LINGO2: variants seen among roughly 807,000 people sequenced by gnomAD.
The protein encoded by LINGO2 is leucine-rich repeat and immunoglobulin-like domain-containing nogo receptor-interacting protein 2.
A neutral mutation model predicts 30.6 loss-of-function variants in LINGO2; 14 were observed. The ratio of observed to expected loss-of-function variants is 0.46; its 90% CI spans 0.30 to 0.72. The LOEUF (loss-of-function observed/expected upper bound fraction) is 0.72, where lower values mean the gene tolerates loss of function less well. Ranked by LOEUF, LINGO2 falls within the 30% of genes least tolerant of loss-of-function variation. LINGO2 has a pLI of 0.07. For synonymous variants in LINGO2, 317 were observed against 288.5 expected (o/e 1.10, Z -1.00); for missense variants, 729 against 751.7 (o/e 0.97, Z 0.35).
intron 1 of LINGO2, among the ~76,000 whole-genome samples, chr9:28,570,273 C>T (rs1053663139): frequency 3.3e-5 from 5 of 151,864 alleles, no homozygotes; most frequent in Admixed American, 6.6e-5. Flanking sequence ...ATTTCTACCA[C>T]GTCACGGCTA....
At chr9:28,175,851 C>T (rs532529878) in intron 4 of LINGO2, among the ~76,000 whole-genome samples, 1 of 152,272 alleles carries the variant, frequency 6.6e-6, no homozygotes, top group South Asian at 2.1e-4. Flanking sequence ...GTATGAGCTC[C>T]AATAACTCAA....
intron 1 of LINGO2, among the ~76,000 whole-genome samples, chr9:28,660,934 C>T (rs948773979): frequency 6.6e-6 from 1 of 152,086 alleles, no homozygotes; most frequent in African/African-American, 2.4e-5. Flanking sequence ...ATGAATACAG[C>T]ACTGCAAAAA....
the LINGO2 span, among the ~76,000 whole-genome samples, chr9:29,095,572 T>C: frequency 1.4e-5 from 2 of 138,896 alleles, no homozygotes; most frequent in Non-Finnish European, 3.1e-5. Flanking sequence ...AACCATTTCA[T>C]AGGGGCAGGC....
rs2133536664 is a variant in LINGO2 at position 28,148,372 on chromosome 9, G to A, written c.-86-135967C>T. On this transcript the variant is annotated intron_variant, in intron 4 of 5. Transcript: ENST00000379992. The surrounding 1 kb of genome is among the most constrained non-coding windows in gnomAD (Gnocchi z 5.1). ...TGAGGATTCCTCATCTCAGAGGCAA[G>A]TTTAACCTTCAACTTCCTTCATTAG... 8.8e-7 allele frequency: 1 copy of A among 1,134,628 alleles called. No homozygotes were observed. The highest frequency in any genetic ancestry group is 1.3e-6 in the Non-Finnish European group (1 of 781,000). The allele number at this position is 1,134,628 out of a possible 1,614,324, so 70.3% of individuals were successfully genotyped here.
intron 1 of LINGO2, among the ~76,000 whole-genome samples, chr9:28,627,738 C>T (rs553083821): frequency 6.6e-6 from 1 of 151,716 alleles, no homozygotes; most frequent in South Asian, 2.1e-4. Context: ...TCTCTTTTTT[C>T]AAAATTGTCT....
chr9:28,825,295 A>C, the LINGO2 span, among the ~76,000 whole-genome samples: 26 of 152,182 alleles, frequency 1.7e-4, no homozygotes, highest in African/African-American at 6.3e-4. Context: ...AGGAAGAAGA[A>C]AAGTCAGAAC....
chr9:28,290,786 C>T (rs1391017992), intron 4 of LINGO2, among the ~76,000 whole-genome samples: 2 of 151,986 alleles, frequency 1.3e-5, no homozygotes, highest in South Asian at 4.2e-4. Flanking sequence ...AACATCATTT[C>T]CTGAGGAAGG....
chr9:28,263,255 G>T (rs537861401), intron 4 of LINGO2, among the ~76,000 whole-genome samples: 1 of 152,016 alleles, frequency 6.6e-6, no homozygotes, highest in Admixed American at 6.6e-5. Flanking sequence ...TCTTTGAAAT[G>T]GTTCATTTGG....
At chr9:28,274,448 C>T (rs545429754) in intron 4 of LINGO2, among the ~76,000 whole-genome samples, 1 of 152,264 alleles carries the variant, frequency 6.6e-6, no homozygotes, top group African/African-American at 2.4e-5. Context: ...TCATAAATAA[C>T]TTGGAAATTC....
At chr9:28,707,465 T>G in the LINGO2 span, among the ~76,000 whole-genome samples, 1 of 152,094 alleles carries the variant, frequency 6.6e-6, no homozygotes, top group African/African-American at 2.4e-5. Flanking sequence ...CGAAGTTAAT[T>G]TATATATTCT....
chr9:29,018,424 C>T, the LINGO2 span, among the ~76,000 whole-genome samples: 10 of 151,828 alleles, frequency 6.6e-5, no homozygotes, highest in South Asian at 1.0e-3. Flanking sequence ...ACCCATGTAA[C>T]GAACTTCTAC....
At chr9:28,732,110 A>G in the LINGO2 span, among the ~76,000 whole-genome samples, 1 of 152,150 alleles carries the variant, frequency 6.6e-6, no homozygotes, top group Admixed American at 6.6e-5. Context: ...AACTATTTTC[A>G]GGGAGCCAAG....
At chr9:28,919,220 G>A in the LINGO2 span, among the ~76,000 whole-genome samples, 3 of 152,204 alleles carry the variant, frequency 2.0e-5, no homozygotes, top group African/African-American at 4.8e-5. Context: ...AAGCTGACAC[G>A]TCTAATGAGT....
At position 28,035,283 on chromosome 9, in the gene LINGO2, C is replaced by A. The variant is rs187038707; in HGVS notation, c.-86-22878G>T. Among the ~76,000 whole-genome samples the A allele has an allele frequency of 3.4e-3, 517 of 152,232 alleles. 2 individuals are homozygous for A. The highest frequency in any genetic ancestry group is 4.5e-3 in the Non-Finnish European group (307 of 68,012). Reference sequence around the variant, plus strand: ...TTTGTATAGGCAAAATAGATAAAGCCATATATTTCCTTATAGGACATATTT... The same window carrying A: ...TTTGTATAGGCAAAATAGATAAAGCAATATATTTCCTTATAGGACATATTT... On this transcript the variant is annotated intron_variant, in intron 4 of 5. Transcript: ENST00000379992.
intron 2 of LINGO2, among the ~76,000 whole-genome samples, chr9:28,403,959 T>C (rs1822385291): frequency 1.3e-5 from 2 of 152,104 alleles, no homozygotes; most frequent in Admixed American, 6.6e-5. Flanking sequence ...TAATTTAGTC[T>C]CTCTGCTTTC....
intron 2 of LINGO2, among the ~76,000 whole-genome samples, chr9:28,437,091 C>T (rs2134990874): frequency 6.6e-6 from 1 of 152,222 alleles, no homozygotes; most frequent in East Asian, 1.9e-4. Flanking sequence ...CCAGATGTGC[C>T]TATTGGGTGT....
At chr9:28,406,871 C>A (rs1041457643) in intron 2 of LINGO2, among the ~76,000 whole-genome samples, 1 of 152,158 alleles carries the variant, frequency 6.6e-6, no homozygotes, top group African/African-American at 2.4e-5. Flanking sequence ...AAATTTCCAA[C>A]TGCATTGTGC....
chr9:29,178,654 T>C, the LINGO2 span, among the ~76,000 whole-genome samples: 3 of 152,120 alleles, frequency 2.0e-5, no homozygotes, highest in African/African-American at 4.8e-5. Context: ...TTGGAAACTA[T>C]GTATATAGGG....
At chr9:28,534,557 T>C (rs1048608120) in intron 1 of LINGO2, among the ~76,000 whole-genome samples, 1 of 152,190 alleles carries the variant, frequency 6.6e-6, no homozygotes, top group Non-Finnish European at 1.5e-5. Context: ...AAACTTGTCA[T>C]TCTTAGCTCA....
Sources: allele counts gnomAD v4.1 joint callset (sites outside exome capture counted in the v4.1 genomes callset), GRCh38; gene constraint gnomAD v4.1.1; non-coding constraint Gnocchi (gnomAD v3.1); transcripts MANE v1.5; gene names NCBI Gene and HGNC (gene_info 2026-07-23, HGNC 2026-07-21).